Variants in TMEM65 observed in about 807,000 individuals in gnomAD.
TMEM65 encodes the protein transmembrane protein 65.
TMEM65 carries 22 observed loss-of-function variants against 25.4 expected under a neutral mutation model. The ratio of observed to expected loss-of-function variants is 0.86; its 90% CI spans 0.62 to 1.23. TMEM65 has a LOEUF of 1.23. Ranked by LOEUF, TMEM65 falls within the 50% of genes most tolerant of loss-of-function variation. The pLI, the probability that TMEM65 is intolerant of heterozygous loss-of-function variation, is 0.00. For synonymous variants in TMEM65, 132 were observed against 126.2 expected, an observed-to-expected ratio of 1.05 and a Z score of -0.31; for missense variants, 262 against 308.2, an observed-to-expected ratio of 0.85 and a Z score of 1.12.
chr8:124,370,803 T>TCTA (rs1398473622), intron 1 of TMEM65, among the ~76,000 whole-genome samples: 1 of 152,238 alleles, frequency 6.6e-6, no homozygotes, highest in Non-Finnish European at 1.5e-5. Context: ...ATCAATGTGC[T>TCTA]CTACACTTTG....
intron 1 of TMEM65, among the ~76,000 whole-genome samples, chr8:124,336,122 C>A (rs1814503747): frequency 1.3e-5 from 2 of 151,830 alleles, no homozygotes; most frequent in African/African-American, 2.4e-5. Flanking sequence ...CAGAAATAAA[C>A]CAGGGACATT....
chr8:124,306,948 C>CA lies in TMEM65; in HGVS notation c.*7011dup, dbSNP rs112234085. The CA allele has an allele frequency of 9.1e-3, 1,262 of 138,412 alleles. 4 individuals are homozygous for CA. The highest frequency in any genetic ancestry group is 0.014 in the African/African-American group (539 of 37,616). The allele number at this position is 138,412 out of a possible 1,614,324, so 8.6% of individuals were successfully genotyped here. A position where few individuals can be genotyped will look rare whatever the true frequency, so the allele number is the denominator to read the frequency against. ...TGGACAACAGAGCAAGACTCCATCT[C>CA]AAAAAAAAAAAAAGTTAAAATTTAT... is the stretch of plus-strand genomic sequence containing the variant. On this transcript the variant is annotated 3_prime_UTR_variant, in exon 7 of 7. Coordinates refer to ENST00000297632, the MANE Select transcript of TMEM65 (RefSeq NM_194291.3).
intron 2 of TMEM65, among the ~76,000 whole-genome samples, chr8:124,329,714 G>T (rs1318695561): frequency 1.3e-5 from 2 of 151,842 alleles, no homozygotes; most frequent in Non-Finnish European, 2.9e-5. Context: ...ACTCCACTGG[G>T]CACCTGAGAT....
At chr8:124,331,204 T>G (rs907593440) in intron 1 of TMEM65, among the ~76,000 whole-genome samples, 1 of 151,810 alleles carries the variant, frequency 6.6e-6, no homozygotes, top group South Asian at 2.1e-4. Context: ...GCATCATTGA[T>G]AGTGGAAAAC....
Position 124,308,882 on chromosome 8 carries a change from TGA to T in TMEM65, c.*5076_*5077del, listed in dbSNP as rs1814124933. ...ATTAATACCATATATAGAAATATTTTGAGAAATGAAAAAAAGCAAAACATCAG... is the reference window on the plus strand; with the variant it reads ...ATTAATACCATATATAGAAATATTTTGAAATGAAAAAAAGCAAAACATCAG... On this transcript the variant is annotated 3_prime_UTR_variant, in exon 7 of 7. Transcript: ENST00000297632. The T allele has an allele frequency of 6.6e-6, 1 of 152,218 alleles. No individual in the cohort carries two copies. 9.4% of individuals were successfully genotyped at this position (152,218 alleles called of 1,614,324 possible).
intron 1 of TMEM65, among the ~76,000 whole-genome samples, chr8:124,342,065 A>G (rs1167077098): frequency 1.3e-5 from 2 of 152,116 alleles, no homozygotes; most frequent in East Asian, 1.9e-4. Flanking sequence ...TGGTTCTGGT[A>G]TAATACAATC....
At chr8:124,326,673 A>C (rs1814369505) in intron 3 of TMEM65, among the ~76,000 whole-genome samples, 1 of 152,052 alleles carries the variant, frequency 6.6e-6, no homozygotes, top group Admixed American at 6.6e-5. Flanking sequence ...CAGTTTTTGA[A>C]GACTTGCATT....
chr8:124,363,468 G>A (rs1814897577), intron 1 of TMEM65, among the ~76,000 whole-genome samples: 1 of 152,022 alleles, frequency 6.6e-6, no homozygotes, highest in Admixed American at 6.6e-5. Context: ...CATTTCCACA[G>A]TTAACTGCTT....
intron 4 of TMEM65, among the ~76,000 whole-genome samples, chr8:124,323,108 T>C (rs1814325877): frequency 6.6e-6 from 1 of 152,132 alleles, no homozygotes; most frequent in South Asian, 2.1e-4. Context: ...TAGCAGAGTA[T>C]TGTTATCCAA....
intron 1 of TMEM65, among the ~76,000 whole-genome samples, chr8:124,338,767 A>T (rs924101764): frequency 2.0e-5 from 3 of 152,192 alleles, no homozygotes; most frequent in African/African-American, 7.2e-5. Context: ...TTTTAGGATA[A>T]ACTATGCCTG....
rs2131185872 is a variant in TMEM65 at position 124,306,235 on chromosome 8, G to C, written c.*7725C>G. 2 of 152,244 alleles carry C rather than the reference G, an allele frequency of 1.3e-5. No homozygotes were observed. The highest frequency in any genetic ancestry group is 2.9e-5 in the Non-Finnish European group (2 of 68,022). 9.4% of individuals were successfully genotyped at this position (152,244 alleles called of 1,614,324 possible). A position where few individuals can be genotyped will look rare whatever the true frequency, so the allele number is the denominator to read the frequency against. On this transcript the variant is annotated 3_prime_UTR_variant, in exon 7 of 7. Coordinates refer to ENST00000297632, the MANE Select transcript of TMEM65 (RefSeq NM_194291.3). Reference sequence around the variant, plus strand: ...TATTTACTAAGTCAAGTCAAACTGAGGAGTATTTGTTTCTTTGGTAGTTGG... The same window carrying C: ...TATTTACTAAGTCAAGTCAAACTGACGAGTATTTGTTTCTTTGGTAGTTGG...
intron 1 of TMEM65, among the ~76,000 whole-genome samples, chr8:124,337,803 T>C (rs1814530254): frequency 6.6e-6 from 1 of 152,042 alleles, no homozygotes; most frequent in Non-Finnish European, 1.5e-5. Context: ...CTGATTGTTA[T>C]AATAGGGGTT....
intron 1 of TMEM65, among the ~76,000 whole-genome samples, chr8:124,357,920 C>T (rs1004167226): frequency 2.0e-5 from 3 of 148,794 alleles, no homozygotes; most frequent in Non-Finnish European, 4.4e-5. Context: ...ACCTCCGCCT[C>T]CCAGGTTCAA....
At position 124,365,120 on chromosome 8, in the gene TMEM65, T is replaced by C. The variant is rs556857324; in HGVS notation, c.304+6734A>G. 2.6e-5 allele frequency among the ~76,000 whole-genome samples: 4 copies of C among 152,306 alleles called. No homozygotes were observed. In the South Asian group the frequency reaches 8.3e-4, roughly 32 times the overall value. ...TGCTGACTTTATATTACTTCAATTTTCCTATCCACAAATTTGATCATAACA... is the reference window on the plus strand; with the variant it reads ...TGCTGACTTTATATTACTTCAATTTCCCTATCCACAAATTTGATCATAACA... On this transcript the variant is annotated intron_variant, in intron 1 of 6. Coordinates refer to ENST00000297632, the MANE Select transcript of TMEM65 (RefSeq NM_194291.3).
chr8:124,370,937 T>TA (rs1815003523), intron 1 of TMEM65, among the ~76,000 whole-genome samples: 1 of 152,270 alleles, frequency 6.6e-6, no homozygotes, highest in Non-Finnish European at 1.5e-5. Context: ...TAACTGTATT[T>TA]AAGTGGCAGA....
intron 1 of TMEM65, among the ~76,000 whole-genome samples, chr8:124,368,205 T>C (rs185641807): frequency 6.7e-6 from 1 of 149,066 alleles, no homozygotes; most frequent in East Asian, 2.0e-4. Flanking sequence ...ACAAAAGAGA[T>C]GGACTGTCAC....
At position 124,310,695 on chromosome 8, in the gene TMEM65, T is replaced by C. The variant is rs1463134361; in HGVS notation, c.*3265A>G. 6.6e-6 allele frequency: 1 copy of C among 152,124 alleles called. No individual in the cohort carries two copies. Among genetic ancestry groups the C allele is most frequent in the Non-Finnish European group, 1.5e-5 (1 of 68,020 alleles). 9.4% of individuals were successfully genotyped at this position (152,124 alleles called of 1,614,324 possible). ...ATTATTACTACTACTACTATCATCATCATCATCTCAGTCAGGATCCAAAGC... is the reference window on the plus strand; with the variant it reads ...ATTATTACTACTACTACTATCATCACCATCATCTCAGTCAGGATCCAAAGC... On this transcript the variant is annotated 3_prime_UTR_variant, in exon 7 of 7. Transcript: ENST00000297632.
intron 1 of TMEM65, among the ~76,000 whole-genome samples, chr8:124,371,479 C>T (rs2131236466): frequency 6.6e-6 from 1 of 152,352 alleles, no homozygotes; most frequent in East Asian, 1.9e-4. Context: ...TGCACGCTCG[C>T]AAGAAAGCAG....
chr8:124,336,380 A>G (rs2131208704), intron 1 of TMEM65, among the ~76,000 whole-genome samples: 1 of 152,150 alleles, frequency 6.6e-6, no homozygotes, highest in South Asian at 2.1e-4. Flanking sequence ...TTTATACAAA[A>G]CGACACTCAA....
Sources: gnomAD v4.1 joint callset for allele counts (sites outside exome capture counted in the v4.1 genomes callset) on GRCh38, gnomAD v4.1.1 for gene constraint, MANE v1.5 for transcripts, NCBI Gene and HGNC (gene_info 2026-07-23, HGNC 2026-07-21) for gene names.